Variants in ATP8A2 observed in about 807,000 individuals in gnomAD.
ATP8A2 encodes the protein ATPase phospholipid transporting 8A2.
A neutral mutation model predicts 165.6 loss-of-function variants in ATP8A2; 100 were observed. The ratio of observed to expected loss-of-function variants is 0.60; its 90% confidence interval spans 0.51 to 0.71. The LOEUF is 0.71. ATP8A2 is among the 30% of genes least tolerant of loss of function. The pLI, the probability that ATP8A2 is intolerant of heterozygous loss-of-function variation, is 0.00. For synonymous variants in ATP8A2, 543 were observed against 548.8 expected, an observed-to-expected ratio of 0.99 and a Z score of 0.15; for missense variants, 1,227 against 1,479.5, an observed-to-expected ratio of 0.83 and a Z score of 2.80.
intron 24 of ATP8A2, among the ~76,000 whole-genome samples, chr13:25,671,574 C>T (rs1176437695): frequency 6.6e-6 from 1 of 152,106 alleles, no homozygotes; most frequent in Non-Finnish European, 1.5e-5. Context: ...GTGTGGTCGT[C>T]TCTTATGGTC....
chr13:25,795,791 C>G (rs935834074), intron 27 of ATP8A2, among the ~76,000 whole-genome samples: 3 of 152,104 alleles, frequency 2.0e-5, no homozygotes, highest in African/African-American at 7.2e-5. Context: ...TAAGAATACT[C>G]TAGAATTTTT....
intron 1 of ATP8A2, among the ~76,000 whole-genome samples, chr13:25,378,037 G>A (rs1416828122): frequency 6.6e-6 from 1 of 152,038 alleles, no homozygotes; most frequent in African/African-American, 2.4e-5. Flanking sequence ...AGGATTGCTT[G>A]AGCCCAGGAA....
At chr13:25,699,118 G>T in intron 24 of ATP8A2, 55 bp from the exon 25 acceptor site, 1 of 1,342,550 alleles carries the variant, frequency 7.4e-7, no homozygotes, top group Non-Finnish European at 1.0e-6. Context: ...ATTCTATTTT[G>T]TTTTTGATAT....
intron 35 of ATP8A2, among the ~76,000 whole-genome samples, chr13:26,005,450 T>C (rs1017814135): frequency 7.2e-5 from 11 of 152,060 alleles, no homozygotes; most frequent in Non-Finnish European, 4.4e-5. Context: ...TTATTTCTGC[T>C]CTGGTCTTTT....
chr13:25,758,174 C>A (rs891019650), intron 25 of ATP8A2, among the ~76,000 whole-genome samples: 1 of 152,174 alleles, frequency 6.6e-6, no homozygotes, highest in East Asian at 1.9e-4. Context: ...TAATCTTTCA[C>A]CCCTTTTGAT....
At chr13:25,752,061 C>T (rs2044162929) in intron 25 of ATP8A2, among the ~76,000 whole-genome samples, 1 of 151,464 alleles carries the variant, frequency 6.6e-6, no homozygotes, top group South Asian at 2.1e-4. Context: ...CAAGAGAGTA[C>T]CAATGGGCAT....
At chr13:25,488,627 C>T (rs2036425131) in intron 2 of ATP8A2, among the ~76,000 whole-genome samples, 1 of 152,092 alleles carries the variant, frequency 6.6e-6, no homozygotes, top group Non-Finnish European at 1.5e-5. Flanking sequence ...GTCCCAACTA[C>T]TTGGGAGGTG....
chr13:25,576,977 C>T, intron 19 of ATP8A2, 92 bp from the exon 20 acceptor site: 2 of 1,011,280 alleles, frequency 2.0e-6, no homozygotes, highest in South Asian at 1.4e-5. Flanking sequence ...TTTAGGAACC[C>T]CAGACCCCCT....
At chr13:25,762,691 T>C (rs538771011) in intron 25 of ATP8A2, among the ~76,000 whole-genome samples, 1 of 152,216 alleles carries the variant, frequency 6.6e-6, no homozygotes, top group East Asian at 1.9e-4. Flanking sequence ...GAATGTCTGC[T>C]GTACAAATCT....
intron 24 of ATP8A2, among the ~76,000 whole-genome samples, chr13:25,674,209 A>G (rs913892065): frequency 6.6e-6 from 1 of 152,192 alleles, no homozygotes; most frequent in African/African-American, 2.4e-5. Flanking sequence ...GCTAGTGTGA[A>G]CAAATTCATC....
rs1039933517 is a variant in ATP8A2 at position 25,506,832 on chromosome 13, A to G, written c.222-23167A>G. ...TGTGTACATTGAACCATCAGAAAGC[A>G]GAGGTGTCATGTCAGTGCTCAAAAA... On this transcript the variant is annotated intron_variant, in intron 2 of 36. Transcript: ENST00000381655. 1.4e-4 allele frequency among the ~76,000 whole-genome samples: 21 copies of G among 152,000 alleles called. 1 individual carries two copies. The highest frequency in any genetic ancestry group is 1.0e-3 in the Admixed American group (16 of 15,258).
intron 2 of ATP8A2, among the ~76,000 whole-genome samples, chr13:25,504,490 C>T (rs2036962450): frequency 6.8e-6 from 1 of 146,140 alleles, no homozygotes; most frequent in Non-Finnish European, 1.5e-5. Context: ...CCTGTAATCC[C>T]AGCACTTTGG....
chr13:25,777,475 C>T (rs1281606363), intron 27 of ATP8A2, among the ~76,000 whole-genome samples: 2 of 152,020 alleles, frequency 1.3e-5, no homozygotes, highest in African/African-American at 4.8e-5. Flanking sequence ...CTAAAGGTAA[C>T]CCTTATAATT....
intron 33 of ATP8A2, among the ~76,000 whole-genome samples, chr13:25,941,760 T>A (rs930389287): frequency 2.0e-5 from 3 of 152,172 alleles, no homozygotes; most frequent in Non-Finnish European, 4.4e-5. Flanking sequence ...GAGAGTGGAA[T>A]GTATCAAAAT....
intron 24 of ATP8A2, among the ~76,000 whole-genome samples, chr13:25,655,569 T>G (rs1466813551): frequency 6.6e-6 from 1 of 152,162 alleles, no homozygotes; most frequent in Non-Finnish European, 1.5e-5. Context: ...CTCCCTCAAC[T>G]GTGCTGTTCC....
At chr13:25,538,147 C>T (rs2038349848) in intron 7 of ATP8A2, 86 bp downstream of exon 7, 3 of 895,568 alleles carry the variant, frequency 3.3e-6, no homozygotes, top group South Asian at 1.6e-5. Flanking sequence ...TCTTGAGCAG[C>T]CTGTTCCCTT....
At chr13:25,829,668 GTATATATATATATATATA>G (rs71080203) in intron 28 of ATP8A2, among the ~76,000 whole-genome samples, 1,999 of 63,340 alleles carry the variant, frequency 0.032, 80 homozygotes, top group East Asian at 0.047. Context: ...GACAGGTGTG[GTATATATATATATATATA>G]TATATATATA....
intron 25 of ATP8A2, among the ~76,000 whole-genome samples, chr13:25,763,370 G>A (rs537872114): frequency 6.6e-5 from 10 of 152,188 alleles, no homozygotes; most frequent in South Asian, 6.2e-4. Flanking sequence ...TCTCTCTAAG[G>A]CACACTCTCT....
chr13:25,926,293 C>T (rs1342829812), intron 33 of ATP8A2, among the ~76,000 whole-genome samples: 4 of 152,062 alleles, frequency 2.6e-5, no homozygotes, highest in Non-Finnish European at 5.9e-5. Context: ...AGAGCAGGGT[C>T]GTCTATTTTT....
Sources: allele counts gnomAD v4.1 joint callset (sites outside exome capture counted in the v4.1 genomes callset), GRCh38; gene constraint gnomAD v4.1.1; transcripts MANE v1.5; gene names NCBI Gene and HGNC (gene_info 2026-07-23, HGNC 2026-07-21).